GRID1: variants seen among roughly 807,000 people sequenced by gnomAD.
The protein encoded by GRID1 is glutamate receptor ionotropic, delta-1.
A neutral mutation model predicts 98.0 loss-of-function variants in GRID1; 28 were observed. The ratio of observed to expected loss-of-function variants is 0.29; its 90% confidence interval spans 0.21 to 0.39. The LOEUF is 0.39. Among genes scored for constraint, GRID1 ranks in the 10% least tolerant of loss-of-function variants. The probability of loss-of-function intolerance (pLI) is 1.00; values close to 1 mark genes in which losing one functional copy is unlikely to be tolerated. For missense variants in GRID1, 1,111 were observed against 1,340.5 expected (o/e 0.83, Z 2.67); for synonymous variants, 553 against 538.5 (o/e 1.03, Z -0.37).
At chr10:86,346,265 G>A (rs960508078) in intron 2 of GRID1, among the ~76,000 whole-genome samples, 2 of 152,212 alleles carry the variant, frequency 1.3e-5, no homozygotes, top group African/African-American at 4.8e-5. Flanking sequence ...GAAGGCTCAC[G>A]TTTCTTCTTG....
intron 5 of GRID1, among the ~76,000 whole-genome samples, chr10:85,906,016 T>C (rs569448549): frequency 2.0e-5 from 3 of 152,098 alleles, no homozygotes; most frequent in South Asian, 4.1e-4. Context: ...GAAATATACT[T>C]TAAACATAAA....
At chr10:86,242,821 A>T (rs1301960939) in intron 2 of GRID1, among the ~76,000 whole-genome samples, 1 of 152,176 alleles carries the variant, frequency 6.6e-6, no homozygotes, top group Non-Finnish European at 1.5e-5. Context: ...GCCACAGATG[A>T]GGAAACTCAG....
chr10:86,109,197 C>G (rs545464131), intron 4 of GRID1, among the ~76,000 whole-genome samples: 3 of 152,314 alleles, frequency 2.0e-5, no homozygotes, highest in Admixed American at 1.3e-4. Context: ...CTCTGTAAGC[C>G]AAAACAACCA....
At chr10:85,638,824 G>GA (rs1217667432) in intron 13 of GRID1, among the ~76,000 whole-genome samples, 1 of 152,080 alleles carries the variant, frequency 6.6e-6, no homozygotes, top group Non-Finnish European at 1.5e-5. Context: ...ATAAGCACAT[G>GA]AAAAAATGCT....
At chr10:85,880,641 C>A (rs546604230) in intron 5 of GRID1, among the ~76,000 whole-genome samples, 1,653 of 151,776 alleles carry the variant, frequency 0.011, 11 homozygotes, top group Non-Finnish European at 0.015. Context: ...TAAGAGCTAT[C>A]TATGACAAAC....
At chr10:86,316,955 C>G (rs1847908103) in intron 2 of GRID1, among the ~76,000 whole-genome samples, 1 of 152,224 alleles carries the variant, frequency 6.6e-6, no homozygotes, top group African/African-American at 2.4e-5. Context: ...GCCCCTTCCC[C>G]AAGAGATTCA....
At position 86,366,294 on chromosome 10, in the gene GRID1, C is replaced by G; in HGVS notation, c.79+20G>C. The G allele has an allele frequency of 2.0e-6, 3 of 1,479,056 alleles. No homozygotes were observed. 91.6% of individuals were successfully genotyped at this position (1,479,056 alleles called of 1,614,324 possible). On this transcript the variant is annotated intron_variant, in intron 1 of 15. Coordinates refer to ENST00000327946, the MANE Select transcript of GRID1 (RefSeq NM_017551.3). The surrounding 1 kb of genome is among the most constrained non-coding windows in gnomAD (Gnocchi z 4.1). ...TTGGGGCCCCCGCCCAGCCTCGGCC[C>G]GGCCTCCAGCCGCGCTTACCGATGT...
intron 4 of GRID1, among the ~76,000 whole-genome samples, chr10:85,981,091 G>A (rs148986816): frequency 4.3e-4 from 65 of 152,272 alleles, no homozygotes; most frequent in Non-Finnish European, 6.6e-4. Flanking sequence ...ATTCACCTTG[G>A]TAGCTCACAG....
At chr10:86,226,365 A>T (rs1251907619) in intron 2 of GRID1, among the ~76,000 whole-genome samples, 1 of 3,170 alleles carries the variant, frequency 3.2e-4, no homozygotes. Context: ...ATACCCTCCC[A>T]CCCCAGCACA....
In GRID1 at chr10:86,122,775, G is replaced by A. The variant is rs1589379242; in HGVS notation, c.726+16044C>T. Among the ~76,000 whole-genome samples, 5 of 152,314 alleles carry A rather than the reference G, an allele frequency of 3.3e-5. 1 individual carries two copies. The highest frequency in any genetic ancestry group is 3.3e-4 in the Admixed American group (5 of 15,300). On this transcript the variant is annotated intron_variant, in intron 4 of 15. Transcript: ENST00000327946. ...ACTGGCCTCTGAAGTCTCCCAGTAT[G>A]CCTGGACCACAGCTGCTACCTCTGA...
At chr10:86,150,083 G>A (rs1195963446) in intron 3 of GRID1, among the ~76,000 whole-genome samples, 1 of 152,196 alleles carries the variant, frequency 6.6e-6, no homozygotes, top group East Asian at 1.9e-4. Flanking sequence ...CTTCCTCTAT[G>A]ATTTGCAGGG....
At chr10:86,117,905 A>T (rs2131956863) in intron 4 of GRID1, among the ~76,000 whole-genome samples, 1 of 152,350 alleles carries the variant, frequency 6.6e-6, no homozygotes, top group Non-Finnish European at 1.5e-5. Flanking sequence ...AGATACCTTA[A>T]AGAACTAAAA....
At chr10:85,917,666 A>G (rs1178130943) in intron 4 of GRID1, among the ~76,000 whole-genome samples, 1 of 152,240 alleles carries the variant, frequency 6.6e-6, no homozygotes, top group Non-Finnish European at 1.5e-5. Flanking sequence ...AAATGACCCT[A>G]GGTCTGCATG....
In GRID1 at chr10:85,750,475, C is replaced by T. The variant is rs144672167; in HGVS notation, c.1234-20861G>A. ...GAAAGAAAACCAGAGCAAATACTTT[C>T]ACAAAGAGAATAAGTAATTAGCTAG... On this transcript the variant is annotated intron_variant, in intron 8 of 15. Transcript: ENST00000327946. Among the ~76,000 whole-genome samples, 573 of 152,254 alleles carry T rather than the reference C, an allele frequency of 3.8e-3. 3 individuals carry two copies. The highest frequency in any genetic ancestry group is 0.013 in the African/African-American group (537 of 41,558).
intron 2 of GRID1, among the ~76,000 whole-genome samples, chr10:86,297,020 G>C (rs1420006451): frequency 2.6e-5 from 4 of 152,082 alleles, no homozygotes; most frequent in African/African-American, 7.2e-5. Flanking sequence ...TGAATAAATA[G>C]AGAAAATAAC....
intron 3 of GRID1, among the ~76,000 whole-genome samples, chr10:86,187,267 G>T (rs998809478): frequency 3.3e-5 from 5 of 152,162 alleles, no homozygotes; most frequent in Admixed American, 6.5e-5. Context: ...CATCTGATAA[G>T]CACTTTCTAT....
intron 10 of GRID1, 64 bp from the exon 11 acceptor site, chr10:85,724,740 G>A (rs1841743595): frequency 7.4e-7 from 1 of 1,357,330 alleles, no homozygotes; most frequent in South Asian, 1.3e-5. Flanking sequence ...TCTGCCCTGG[G>A]TCAAGGTCCA....
At chr10:86,119,765 G>A (rs1844638737) in intron 4 of GRID1, among the ~76,000 whole-genome samples, 1 of 152,006 alleles carries the variant, frequency 6.6e-6, no homozygotes, top group Non-Finnish European at 1.5e-5. Context: ...CATTTATGCT[G>A]CAATGGTTCC....
intron 4 of GRID1, among the ~76,000 whole-genome samples, chr10:86,091,995 G>C (rs1321584684): frequency 6.6e-6 from 1 of 152,204 alleles, no homozygotes; most frequent in Non-Finnish European, 1.5e-5. Context: ...ACAGCCTTAA[G>C]TCCTAGACCT....
Sources: allele counts gnomAD v4.1 joint callset (sites outside exome capture counted in the v4.1 genomes callset), GRCh38; gene constraint gnomAD v4.1.1; non-coding constraint Gnocchi (gnomAD v3.1); transcripts MANE v1.5; gene names NCBI Gene and HGNC (gene_info 2026-07-23, HGNC 2026-07-21).